RPSA2: variants seen among roughly 807,000 people sequenced by gnomAD.
RPSA2 encodes the protein ribosomal protein SA 2.
At chr19:23,857,428 C>A in the RPSA2 span, among the ~76,000 whole-genome samples, 1 of 151,236 alleles carries the variant, frequency 6.6e-6, no homozygotes, top group Non-Finnish European at 1.5e-5. Context: ...GGGTCCCTGA[C>A]TTCCCGCAAC....
chr19:23,761,088 A>ATATGTG, the RPSA2 span, among the ~76,000 whole-genome samples: 1 of 146,440 alleles, frequency 6.8e-6, no homozygotes, highest in African/African-American at 2.5e-5. Flanking sequence ...GTATATATAT[A>ATATGTG]TGTGTGTGTG....
chr19:23,791,663 A>G, the RPSA2 span, among the ~76,000 whole-genome samples: 18,001 of 151,990 alleles, frequency 0.12, 1,121 homozygotes, highest in East Asian at 0.22. Context: ...CCAAATGCCA[A>G]TTTCCCCTCC....
At chr19:23,827,277 A>G in the RPSA2 span, 5 of 968,742 alleles carry the variant, frequency 5.2e-6, no homozygotes, top group African/African-American at 3.1e-5. Context: ...CACTACATCT[A>G]TAAAAGGAAA....
At chr19:23,864,048 G>C in the RPSA2 span, among the ~76,000 whole-genome samples, 8 of 152,270 alleles carry the variant, frequency 5.3e-5, no homozygotes, top group African/African-American at 1.9e-4. Flanking sequence ...AGCACTTATT[G>C]TCACAAGAAG....
the RPSA2 span, among the ~76,000 whole-genome samples, chr19:23,786,325 G>T: frequency 1.3e-5 from 2 of 152,328 alleles, no homozygotes; most frequent in African/African-American, 4.8e-5. Context: ...CTGCGGGAGT[G>T]ATTATCACAT....
the RPSA2 span, chr19:23,823,991 G>A: frequency 6.6e-6 from 1 of 152,344 alleles, no homozygotes; most frequent in South Asian, 2.1e-4. Flanking sequence ...AGGCAGGAGA[G>A]GCCAGTGGGT....
At chr19:23,827,561 C>G in the RPSA2 span, 12 of 1,594,152 alleles carry the variant, frequency 7.5e-6, no homozygotes, top group Non-Finnish European at 1.0e-5. Context: ...CCACCAGCCT[C>G]TCACGGAGGC....
At chr19:23,804,786 G>A in the RPSA2 span, among the ~76,000 whole-genome samples, 1 of 152,174 alleles carries the variant, frequency 6.6e-6, no homozygotes, top group Non-Finnish European at 1.5e-5. Flanking sequence ...GCTTAGGTAA[G>A]TGGTTATAAG....
chr19:23,837,904 G>A, the RPSA2 span, among the ~76,000 whole-genome samples: 1 of 152,250 alleles, frequency 6.6e-6, no homozygotes, highest in East Asian at 1.9e-4. Flanking sequence ...AACAGGGACA[G>A]TTTGACTTCC....
chr19:23,859,487 C>G, the RPSA2 span, among the ~76,000 whole-genome samples: 1 of 152,022 alleles, frequency 6.6e-6, no homozygotes, highest in African/African-American at 2.4e-5. Flanking sequence ...AATTAGCCAG[C>G]GTGGTGGCAC....
the RPSA2 span, among the ~76,000 whole-genome samples, chr19:23,866,205 C>G: frequency 2.0e-5 from 3 of 152,176 alleles, no homozygotes; most frequent in Non-Finnish European, 4.4e-5. Flanking sequence ...ACAGTGCAGT[C>G]TTTTCTACAT....
chr19:23,821,820 C>T, the RPSA2 span, among the ~76,000 whole-genome samples: 7 of 152,342 alleles, frequency 4.6e-5, no homozygotes, highest in East Asian at 1.9e-4. Context: ...TGAACATTCG[C>T]GTCCCTTTAC....
the RPSA2 span, among the ~76,000 whole-genome samples, chr19:23,864,881 A>G: frequency 2.0e-5 from 3 of 152,104 alleles, no homozygotes; most frequent in African/African-American, 7.2e-5. Flanking sequence ...ATGACTGACA[A>G]CCACCCTCTT....
the RPSA2 span, among the ~76,000 whole-genome samples, chr19:23,820,495 C>CT: frequency 6.6e-6 from 1 of 152,136 alleles, no homozygotes; most frequent in Non-Finnish European, 1.5e-5. Context: ...GTCAGGGCTT[C>CT]TTTTCTAGAG....
chr19:23,852,783 A>G, the RPSA2 span, among the ~76,000 whole-genome samples: 1 of 152,238 alleles, frequency 6.6e-6, no homozygotes, highest in South Asian at 2.1e-4. Context: ...GCTTGCTCCC[A>G]ATAGTTACCC....
the RPSA2 span, among the ~76,000 whole-genome samples, chr19:23,764,868 G>A: frequency 1.3e-5 from 2 of 151,710 alleles, no homozygotes; most frequent in African/African-American, 2.4e-5. Context: ...CTACTAGTAC[G>A]TCTTTGGGTT....
At chr19:23,823,580 C>T in the RPSA2 span, among the ~76,000 whole-genome samples, 61 of 150,624 alleles carry the variant, frequency 4.0e-4, no homozygotes, top group South Asian at 2.7e-3. Context: ...ACTGACTTCG[C>T]GAGCCACTCT....
chr19:23,792,956 G>A, the RPSA2 span, among the ~76,000 whole-genome samples: 2 of 152,122 alleles, frequency 1.3e-5, no homozygotes, highest in African/African-American at 2.4e-5. Flanking sequence ...TGTTTTACCC[G>A]GACGTCAGTA....
chr19:23,811,869 C>T, the RPSA2 span, among the ~76,000 whole-genome samples: 2 of 145,596 alleles, frequency 1.4e-5, no homozygotes, highest in African/African-American at 2.4e-5. Context: ...AAATAGCAAA[C>T]ATTTAAAACA....
Sources: allele counts gnomAD v4.1 joint callset (sites outside exome capture counted in the v4.1 genomes callset), GRCh38; gene constraint gnomAD v4.1.1; transcripts MANE v1.5; gene names NCBI Gene and HGNC (gene_info 2026-07-23, HGNC 2026-07-21).